HDGFL3: variants seen among roughly 807,000 people sequenced by gnomAD.
HDGFL3 encodes the protein HDGF like 3.
Under a neutral mutation model 27.6 loss-of-function variants are expected in HDGFL3, and 6 were observed. The ratio of observed to expected loss-of-function variants is 0.22; its 90% CI spans 0.12 to 0.43. The LOEUF (loss-of-function observed/expected upper bound fraction) is 0.43, where lower values mean the gene tolerates loss of function less well. Among genes scored for constraint, HDGFL3 ranks in the 20% least tolerant of loss-of-function variants. The pLI, the probability that HDGFL3 is intolerant of heterozygous loss-of-function variation, is 1.00. For synonymous variants in HDGFL3, 88 were observed against 88.9 expected (o/e 0.99, Z 0.05); for missense variants, 207 against 250.1 (o/e 0.83, Z 1.16).
chr15:83,188,169 T>G (rs1007137303), intron 1 of HDGFL3, among the ~76,000 whole-genome samples: 1 of 152,220 alleles, frequency 6.6e-6, no homozygotes, highest in African/African-American at 2.4e-5. Flanking sequence ...TTAAGCATCT[T>G]TTCATAAGTT....
intron 1 of HDGFL3, among the ~76,000 whole-genome samples, chr15:83,204,500 G>GC (rs2037693626): frequency 6.6e-6 from 1 of 152,156 alleles, no homozygotes; most frequent in African/African-American, 2.4e-5. Context: ...GCATGAAAGA[G>GC]CAAGTAGAAT....
intron 4 of HDGFL3, among the ~76,000 whole-genome samples, chr15:83,156,646 TG>T (rs1352130990): frequency 6.6e-6 from 1 of 152,198 alleles, no homozygotes; most frequent in Non-Finnish European, 1.5e-5. Context: ...CCTACATTTG[TG>T]TAAGTATACT....
At position 83,137,694 on chromosome 15, in the gene HDGFL3, A is replaced by C. The variant is rs1263613288; in HGVS notation, c.*1576T>G. On this transcript the variant is annotated 3_prime_UTR_variant, in exon 6 of 6. Transcript: ENST00000299633. ...AAAGAAACACACCAAAAATACAAAC[A>C]GCCACCTCCTCACTGTGCCCTGGAA... 2.0e-5 allele frequency: 3 copies of C among 152,204 alleles called. No homozygotes were observed. Among genetic ancestry groups the C allele is most frequent in the African/African-American group, 7.2e-5 (3 of 41,470 alleles). 9.4% of individuals were successfully genotyped at this position (152,204 alleles called of 1,614,324 possible). A position where few individuals can be genotyped will look rare whatever the true frequency, so the allele number is the denominator to read the frequency against.
At chr15:83,175,673 C>G (rs758113528) in intron 1 of HDGFL3, among the ~76,000 whole-genome samples, 5 of 152,142 alleles carry the variant, frequency 3.3e-5, no homozygotes, top group Non-Finnish European at 7.3e-5. Context: ...TCCTGGCTAA[C>G]ACGGTGAAAC....
Position 83,207,420 on chromosome 15 carries a change from C to T in HDGFL3, c.-6G>A. The T allele has an allele frequency of 7.5e-7, 1 of 1,328,202 alleles. No homozygotes were observed. Among genetic ancestry groups the T allele is most frequent in the Non-Finnish European group, 9.7e-7 (1 of 1,034,228 alleles). The allele number at this position is 1,328,202 out of a possible 1,614,324, so 82.3% of individuals were successfully genotyped here. The stretch of plus-strand genomic sequence containing the variant: ...CGGGGCCGCGGACGCGCCATCCCAG[C>T]CGCTCCCCTTCCTGGTAGTCCTTGG... On this transcript the variant is annotated 5_prime_UTR_variant, in exon 1 of 6. Transcript: ENST00000299633. The surrounding 1 kb of genome is among the most constrained non-coding windows in gnomAD (Gnocchi z 4.8).
intron 1 of HDGFL3, among the ~76,000 whole-genome samples, chr15:83,175,978 C>G (rs1289683594): frequency 2.0e-5 from 3 of 152,234 alleles, no homozygotes; most frequent in African/African-American, 7.2e-5. Flanking sequence ...TGGTTCTGCA[C>G]AGACAGTAAG....
intron 1 of HDGFL3, among the ~76,000 whole-genome samples, chr15:83,183,106 T>C (rs539518032): frequency 1.3e-5 from 2 of 152,322 alleles, no homozygotes; most frequent in East Asian, 3.9e-4. Context: ...AGTCAACAGA[T>C]ATTATCTAGT....
downstream of HDGFL3, chr15:83,124,737 TCTC>T: frequency 1.2e-6 from 2 of 1,614,158 alleles, no homozygotes; most frequent in South Asian, 2.2e-5. Context: ...TGGTTGTGTG[TCTC>T]CTCCTGGCAA....
chr15:83,146,378 A>G (rs2036892583), intron 5 of HDGFL3, among the ~76,000 whole-genome samples: 1 of 152,198 alleles, frequency 6.6e-6, no homozygotes. Flanking sequence ...TGAAGAATTA[A>G]GTGTCCCACT....
At chr15:83,119,367 T>C (rs1201645019) in intron 3 of HDGFL3, among the ~76,000 whole-genome samples, 1 of 152,236 alleles carries the variant, frequency 6.6e-6, no homozygotes, top group African/African-American at 2.4e-5. Context: ...CCAGGCATTC[T>C]CTAATTCCAT....
intron 2 of HDGFL3, among the ~76,000 whole-genome samples, chr15:83,162,719 G>A (rs1289110856): frequency 6.6e-6 from 1 of 152,110 alleles, no homozygotes; most frequent in African/African-American, 2.4e-5. Context: ...TCTCTTTCAA[G>A]ACAAGAATGA....
intron 3 of HDGFL3, chr15:83,115,982 G>C (rs780168037): frequency 6.8e-7 from 1 of 1,463,252 alleles, no homozygotes; most frequent in African/African-American, 1.4e-5. Context: ...TCAACCAAAA[G>C]GCCACAACCC....
At chr15:83,182,304 TAA>T (rs1175678041) in intron 1 of HDGFL3, among the ~76,000 whole-genome samples, 4 of 152,214 alleles carry the variant, frequency 2.6e-5, no homozygotes, top group Admixed American at 6.5e-5. Flanking sequence ...TTTAACAAAC[TAA>T]AGTGTTATAA....
In HDGFL3 at chr15:83,207,478, G is replaced by A; in HGVS notation, c.-64C>T. On this transcript the variant is annotated 5_prime_UTR_variant, in exon 1 of 6. Coordinates refer to ENST00000299633, the MANE Select transcript of HDGFL3 (RefSeq NM_016073.4). The surrounding 1 kb of genome is among the most constrained non-coding windows in gnomAD (Gnocchi z 4.8). Reference sequence around the variant, plus strand: ...GAAGATGCCGGGAGGCCGCCCCCCCGCGGGCCGACGAATTGCGCCGCGCTC... The same window carrying A: ...GAAGATGCCGGGAGGCCGCCCCCCCACGGGCCGACGAATTGCGCCGCGCTC... 1.7e-6 allele frequency: 2 copies of A among 1,190,506 alleles called. No homozygotes were observed. The highest frequency in any genetic ancestry group is 4.3e-5 in the Admixed American group (1 of 23,440). The allele number at this position is 1,190,506 out of a possible 1,614,324, so 73.7% of individuals were successfully genotyped here.
intron 2 of HDGFL3, among the ~76,000 whole-genome samples, chr15:83,163,078 T>A (rs2151405051): frequency 6.6e-6 from 1 of 152,324 alleles, no homozygotes; most frequent in East Asian, 1.9e-4. Flanking sequence ...CAAGTTCTTG[T>A]CACTGGAATG....
At chr15:83,189,763 A>T (rs779202080) in intron 1 of HDGFL3, among the ~76,000 whole-genome samples, 15 of 152,316 alleles carry the variant, frequency 9.8e-5, no homozygotes, top group Admixed American at 2.0e-4. Flanking sequence ...CATTTTTTTT[A>T]AAATAATGGG....
chr15:83,167,518 A>G (rs2037186417), intron 1 of HDGFL3, among the ~76,000 whole-genome samples: 1 of 151,578 alleles, frequency 6.6e-6, no homozygotes, highest in Non-Finnish European at 1.5e-5. Flanking sequence ...AGACTGCACC[A>G]CTGCACCTCC....
At chr15:83,127,630 A>G (rs1395798504), downstream of HDGFL3, 3 of 770,568 alleles carry the variant, frequency 3.9e-6, no homozygotes, top group Non-Finnish European at 6.4e-6. Flanking sequence ...ACATTTCTGC[A>G]AGTACATTTT....
At chr15:83,167,634 A>C (rs1303681159) in intron 1 of HDGFL3, among the ~76,000 whole-genome samples, 2 of 152,166 alleles carry the variant, frequency 1.3e-5, no homozygotes, top group Non-Finnish European at 2.9e-5. Flanking sequence ...AGGTTTAACC[A>C]TTCGAAATAT....
Sources: allele counts gnomAD v4.1 joint callset (sites outside exome capture counted in the v4.1 genomes callset), GRCh38; gene constraint gnomAD v4.1.1; non-coding constraint Gnocchi (gnomAD v3.1); transcripts MANE v1.5; gene names NCBI Gene and HGNC (gene_info 2026-07-23, HGNC 2026-07-21).